C16orf87: variants seen among roughly 807,000 people sequenced by gnomAD.
C16orf87 encodes UPF0547 protein C16orf87.
C16orf87 carries 13 observed loss-of-function variants against 21.0 expected under a neutral mutation model. The ratio of observed to expected loss-of-function variants is 0.62; its 90% confidence interval spans 0.40 to 0.98. The LOEUF is 0.98. Ranked by LOEUF, C16orf87 falls within the 50% of genes least tolerant of loss-of-function variation. C16orf87 has a pLI of 0.00. For synonymous variants in C16orf87, 49 were observed against 60.2 expected, an observed-to-expected ratio of 0.81 and a Z score of 0.86; for missense variants, 113 against 180.4, an observed-to-expected ratio of 0.63 and a Z score of 2.14.
chr16:46,815,694 C>T (rs1272411349), intron 2 of C16orf87, among the ~76,000 whole-genome samples: 1 of 152,050 alleles, frequency 6.6e-6, no homozygotes, highest in African/African-American at 2.4e-5. Flanking sequence ...CAGCAAGATA[C>T]CACTTCATAC....
At chr16:46,821,800 A>C (rs780011920) in intron 2 of C16orf87, among the ~76,000 whole-genome samples, 1 of 152,154 alleles carries the variant, frequency 6.6e-6, no homozygotes, top group Non-Finnish European at 1.5e-5. Context: ...CCATCTAGTC[A>C]CTGATGGCTC....
intron 1 of C16orf87, among the ~76,000 whole-genome samples, chr16:46,828,939 TAAGTATTTGGAATA>T (rs1448506076): frequency 2.0e-5 from 3 of 152,218 alleles, no homozygotes; most frequent in Admixed American, 6.5e-5. Flanking sequence ...TACATTCACT[TAAGTATTTGGAATA>T]AAGGACAAAA....
At chr16:46,819,071 T>C (rs1417155306) in intron 2 of C16orf87, among the ~76,000 whole-genome samples, 1 of 152,202 alleles carries the variant, frequency 6.6e-6, no homozygotes, top group Non-Finnish European at 1.5e-5. Flanking sequence ...TCACAAAAAC[T>C]CTGTAACTAA....
At chr16:46,803,138 C>T (rs1443358270) in intron 3 of C16orf87, 68 bp from the exon 4 acceptor site, 2 of 693,482 alleles carry the variant, frequency 2.9e-6, no homozygotes, top group Non-Finnish European at 5.0e-6. Context: ...TTTTTTAAAG[C>T]TTTCAAGTAT....
intron 2 of C16orf87, among the ~76,000 whole-genome samples, chr16:46,810,014 A>T (rs1968038522): frequency 6.6e-6 from 1 of 152,246 alleles, no homozygotes; most frequent in Non-Finnish European, 1.5e-5. Context: ...ATCTTGGAAG[A>T]GAAAACAAGT....
chr16:46,828,599 T>C (rs1959719099), intron 1 of C16orf87, among the ~76,000 whole-genome samples: 1 of 152,244 alleles, frequency 6.6e-6, no homozygotes, highest in African/African-American at 2.4e-5. Flanking sequence ...GTTGAAAATC[T>C]AGCTTTTTCT....
At position 46,831,001 on chromosome 16, in the gene C16orf87, G is replaced by C. The variant is rs910818786; in HGVS notation, c.66+83C>G. The C allele has an allele frequency of 5.2e-6, 6 of 1,143,468 alleles. No individual in the cohort carries two copies. The East Asian group carries it at 1.3e-4, about 24-fold the overall frequency. 70.8% of individuals were successfully genotyped at this position (1,143,468 alleles called of 1,614,324 possible). On this transcript the variant is annotated intron_variant, in intron 1 of 3. Coordinates refer to ENST00000285697, the MANE Select transcript of C16orf87 (RefSeq NM_001001436.4). Reference sequence around the variant, plus strand: ...AGGATCTGCCCACCGCTCGGCCTCCGGGAGCCCGGCGAGGCCCCCCTCCAC... The same window carrying C: ...AGGATCTGCCCACCGCTCGGCCTCCCGGAGCCCGGCGAGGCCCCCCTCCAC...
At chr16:46,806,550 C>T (rs1361604393) in intron 3 of C16orf87, among the ~76,000 whole-genome samples, 1 of 152,204 alleles carries the variant, frequency 6.6e-6, no homozygotes. Flanking sequence ...TGAGCCACCA[C>T]GCCTGACCCA....
At chr16:46,829,833 TAA>T (rs1424745794) in intron 1 of C16orf87, among the ~76,000 whole-genome samples, 2 of 150,612 alleles carry the variant, frequency 1.3e-5, no homozygotes, top group African/African-American at 4.9e-5. Context: ...TGTTTTCTGT[TAA>T]AAGATTTGAA....
At chr16:46,806,424 AT>A (rs1298258446) in intron 3 of C16orf87, among the ~76,000 whole-genome samples, 1 of 151,370 alleles carries the variant, frequency 6.6e-6, no homozygotes, top group South Asian at 2.1e-4. Context: ...CGCCCGGCTA[AT>A]TTTTTTTGTA....
rs367899960 is a variant in C16orf87, at chr16:46,816,334, G to A, written c.164-6549C>T. Reference sequence around the variant, plus strand: ...TGATGGTTAAGAATACAATATGAATGCACTTAATGCCACTAAACTATACAC... The same window carrying A: ...TGATGGTTAAGAATACAATATGAATACACTTAATGCCACTAAACTATACAC... On this transcript the variant is annotated intron_variant, in intron 2 of 3. Transcript: ENST00000285697. Among the ~76,000 whole-genome samples, 32 of 152,214 alleles carry A rather than the reference G, an allele frequency of 2.1e-4. 1 individual carries two copies. Among genetic ancestry groups the A allele is most frequent in the African/African-American group, 7.7e-4 (32 of 41,530 alleles).
At chr16:46,831,050 C>A (rs1596836174) in intron 1 of C16orf87, 34 bp downstream of exon 1, 2 of 1,542,102 alleles carry the variant, frequency 1.3e-6, no homozygotes, top group East Asian at 2.6e-5. Flanking sequence ...CAAGCCACTG[C>A]CGCCCGCCCG....
In C16orf87 at chr16:46,830,823, C is replaced by A. The variant is rs558833921; in HGVS notation, c.66+261G>T. On this transcript the variant is annotated intron_variant, in intron 1 of 3. Transcript: ENST00000285697. ...CCGCCCGGTGAGCCCACCAAAGGCG[C>A]GCTCCTCCAGTGGCCGGGACACAGC... The A allele has an allele frequency of 1.2e-5, 4 of 324,808 alleles. No individual in the cohort carries two copies. In the South Asian group the frequency reaches 5.4e-4, roughly 43 times the overall value. The allele number at this position is 324,808 out of a possible 1,614,324, so 20.1% of individuals were successfully genotyped here.
rs537126216 is a variant in C16orf87 at position 46,826,275 on chromosome 16, C to T, written c.67-1793G>A. Among the ~76,000 whole-genome samples, 22 of 152,250 alleles carry T rather than the reference C, an allele frequency of 1.4e-4. No individual in the cohort carries two copies. In the South Asian group the frequency reaches 4.6e-3, roughly 32 times the overall value. On this transcript the variant is annotated intron_variant, in intron 1 of 3. Coordinates refer to ENST00000285697, the MANE Select transcript of C16orf87 (RefSeq NM_001001436.4). Reference sequence around the variant, plus strand: ...TTCACCCATATCAAAGTTAATGATCCTTGGAATCAAGACATGTTCACCAAA... The same window carrying T: ...TTCACCCATATCAAAGTTAATGATCTTTGGAATCAAGACATGTTCACCAAA...
At chr16:46,822,372 C>A (rs1229572083) in intron 2 of C16orf87, among the ~76,000 whole-genome samples, 1 of 152,222 alleles carries the variant, frequency 6.6e-6, no homozygotes, top group African/African-American at 2.4e-5. Context: ...AAACTCAGCA[C>A]TGAGCTGACA....
rs777976461 is a variant in C16orf87, at chr16:46,831,158, C to T, written c.-9G>A. Reference sequence around the variant, plus strand: ...GCTCGAGTTGCAGACATGCTCCTCTCCCTTAGCGGCGGCAGCAGCGACGGC... The same window carrying T: ...GCTCGAGTTGCAGACATGCTCCTCTTCCTTAGCGGCGGCAGCAGCGACGGC... On this transcript the variant is annotated 5_prime_UTR_variant, in exon 1 of 4. Transcript: ENST00000285697. 3 of 1,561,200 alleles carry T rather than the reference C, an allele frequency of 1.9e-6. No individual in the cohort carries two copies. The highest frequency in any genetic ancestry group is 1.2e-5 in the South Asian group (1 of 86,416).
chr16:46,811,900 G>A (rs1968096445), intron 2 of C16orf87, among the ~76,000 whole-genome samples: 1 of 152,134 alleles, frequency 6.6e-6, no homozygotes, highest in Non-Finnish European at 1.5e-5. Flanking sequence ...ACCAGCCTGG[G>A]CCACATAGCA....
intron 1 of C16orf87, among the ~76,000 whole-genome samples, chr16:46,827,354 T>C (rs949488776): frequency 6.6e-6 from 1 of 152,202 alleles, no homozygotes; most frequent in African/African-American, 2.4e-5. Flanking sequence ...TCATTAATTA[T>C]AGTATAATTT....
intron 2 of C16orf87, among the ~76,000 whole-genome samples, chr16:46,813,395 AC>A (rs1968154764): frequency 6.6e-6 from 1 of 150,750 alleles, no homozygotes; most frequent in Non-Finnish European, 1.5e-5. Flanking sequence ...TGCAAAATAT[AC>A]CCATAATCTC....
Sources: gnomAD v4.1 joint callset for allele counts (sites outside exome capture counted in the v4.1 genomes callset) on GRCh38, gnomAD v4.1.1 for gene constraint, MANE v1.5 for transcripts, NCBI Gene and HGNC (gene_info 2026-07-23, HGNC 2026-07-21) for gene names.